The following SNTG1 variants were observed in gnomAD, a reference collection of about 807,000 sequenced individuals.
SNTG1 encodes gamma-1-syntrophin.
SNTG1 carries 39 observed loss-of-function variants against 74.7 expected under a neutral mutation model. That is an observed-to-expected ratio of 0.52 (90% CI 0.40 to 0.68). SNTG1 has a LOEUF of 0.68. SNTG1 is among the 30% of genes least tolerant of loss of function. SNTG1 has a pLI of 0.00. For missense variants in SNTG1, 685 were observed against 609.5 expected (o/e 1.12, Z -1.30); for synonymous variants, 254 against 217.1 (o/e 1.17, Z -1.49).
intron 1 of SNTG1, among the ~76,000 whole-genome samples, chr8:50,037,401 A>G (rs117210948): frequency 0.042 from 6,359 of 152,258 alleles, 209 homozygotes; most frequent in Non-Finnish European, 0.067. Context: ...ATGGCCAATG[A>G]TGCCAGCCTG....
Position 50,096,560 on chromosome 8 carries a change from T to C in SNTG1, c.-102-76001T>C, listed in dbSNP as rs1345287677. 3.3e-5 allele frequency among the ~76,000 whole-genome samples: 5 copies of C among 152,274 alleles called. No individual in the cohort carries two copies. The East Asian group carries it at 9.6e-4, about 29-fold the overall frequency. On this transcript the variant is annotated intron_variant, in intron 1 of 18. Coordinates refer to ENST00000642720, the MANE Select transcript of SNTG1 (RefSeq NM_018967.5). The stretch of plus-strand genomic sequence containing the variant: ...AAAACTGAATTGTGGAGTAATATGT[T>C]TTCAAGTGAAGGGGCAGTTTATATA...
intron 11 of SNTG1, among the ~76,000 whole-genome samples, chr8:50,546,053 G>A (rs2625757): frequency 0.4 from 61,442 of 151,910 alleles, 16,777 homozygotes; most frequent in African/African-American, 0.78. Context: ...AAAAAAGTAG[G>A]TAGGAAGAAA....
At chr8:49,946,053 C>T (rs1809155160) in intron 1 of SNTG1, among the ~76,000 whole-genome samples, 1 of 152,070 alleles carries the variant, frequency 6.6e-6, no homozygotes, top group Admixed American at 6.5e-5. Flanking sequence ...ACTCAAAAGC[C>T]CCTATTTTTT....
chr8:50,609,222 G>A (rs928499280), intron 13 of SNTG1, among the ~76,000 whole-genome samples: 2 of 151,936 alleles, frequency 1.3e-5, no homozygotes, highest in Admixed American at 6.6e-5. Flanking sequence ...TATTTCATGT[G>A]GGGAATATTT....
intron 9 of SNTG1, among the ~76,000 whole-genome samples, chr8:50,527,559 A>T (rs2094231599): frequency 6.6e-6 from 1 of 151,912 alleles, no homozygotes; most frequent in African/African-American, 2.4e-5. Context: ...ACATGTTTGG[A>T]TTTATTTTGA....
chr8:50,028,994 T>G (rs1817518223), intron 1 of SNTG1, among the ~76,000 whole-genome samples: 1 of 152,156 alleles, frequency 6.6e-6, no homozygotes, highest in South Asian at 2.1e-4. Flanking sequence ...ATGTTGAGTT[T>G]TAATAATTCT....
At chr8:50,338,394 G>A (rs916500079) in intron 2 of SNTG1, among the ~76,000 whole-genome samples, 14 of 152,108 alleles carry the variant, frequency 9.2e-5, no homozygotes, top group African/African-American at 3.4e-4. Flanking sequence ...AGAAGGCACG[G>A]TAAAAGGCAC....
intron 17 of SNTG1, among the ~76,000 whole-genome samples, chr8:50,743,118 T>C (rs902405698): frequency 2.0e-5 from 3 of 146,502 alleles, no homozygotes; most frequent in East Asian, 2.0e-4. Flanking sequence ...AAAAAAAAAA[T>C]TGAAGGAGTG....
intron 15 of SNTG1, among the ~76,000 whole-genome samples, chr8:50,667,843 C>T (rs966225150): frequency 1.3e-5 from 2 of 151,870 alleles, no homozygotes; most frequent in African/African-American, 2.4e-5. Context: ...TTTACTGTAA[C>T]ACTTTATAAT....
chr8:50,082,659 T>G (rs938470494), intron 1 of SNTG1, among the ~76,000 whole-genome samples: 1 of 152,148 alleles, frequency 6.6e-6, no homozygotes, highest in Non-Finnish European at 1.5e-5. Flanking sequence ...TGGAGAAAGT[T>G]TTTAAATCTC....
At chr8:50,722,091 C>T (rs886371380) in intron 17 of SNTG1, among the ~76,000 whole-genome samples, 1 of 140,932 alleles carries the variant, frequency 7.1e-6, no homozygotes, top group Non-Finnish European at 1.5e-5. Flanking sequence ...ATGGATTAAT[C>T]ATTACTTATG....
intron 1 of SNTG1, among the ~76,000 whole-genome samples, chr8:50,115,304 T>G (rs1369489234): frequency 4.0e-5 from 6 of 151,790 alleles, no homozygotes; most frequent in Non-Finnish European, 8.8e-5. Flanking sequence ...CCATGGCTCA[T>G]GCCTGTAATC....
At chr8:50,700,644 T>C (rs1485449328) in intron 15 of SNTG1, among the ~76,000 whole-genome samples, 1 of 152,120 alleles carries the variant, frequency 6.6e-6, no homozygotes, top group Non-Finnish European at 1.5e-5. Context: ...CTTTAAGTCC[T>C]TGATGGTACT....
chr8:50,458,641 A>G (rs1396470760), intron 8 of SNTG1, among the ~76,000 whole-genome samples: 1 of 152,080 alleles, frequency 6.6e-6, no homozygotes, highest in African/African-American at 2.4e-5. Flanking sequence ...AAATAAAAGC[A>G]TTTTACATGT....
At chr8:50,380,775 T>C (rs1252933498) in intron 2 of SNTG1, among the ~76,000 whole-genome samples, 1 of 152,226 alleles carries the variant, frequency 6.6e-6, no homozygotes, top group Non-Finnish European at 1.5e-5. Flanking sequence ...AGATGAAGTT[T>C]AATCAACAGC....
chr8:49,973,147 A>G (rs1235254257), intron 1 of SNTG1, among the ~76,000 whole-genome samples: 1 of 152,224 alleles, frequency 6.6e-6, no homozygotes, highest in Non-Finnish European at 1.5e-5. Flanking sequence ...GGATTAAGAA[A>G]ATGTGGCACA....
At chr8:50,597,118 T>C (rs1056789377) in intron 13 of SNTG1, among the ~76,000 whole-genome samples, 11 of 151,792 alleles carry the variant, frequency 7.2e-5, no homozygotes, top group African/African-American at 2.2e-4. Context: ...TCTCTACTTG[T>C]ATGAGATCAA....
chr8:50,271,288 G>T (rs1172135487), intron 2 of SNTG1, among the ~76,000 whole-genome samples: 1 of 152,040 alleles, frequency 6.6e-6, no homozygotes, highest in Non-Finnish European at 1.5e-5. Flanking sequence ...ATTTACTGAA[G>T]AACTACAAAC....
intron 8 of SNTG1, among the ~76,000 whole-genome samples, chr8:50,500,213 C>T (rs945494946): frequency 6.6e-6 from 1 of 150,948 alleles, no homozygotes; most frequent in African/African-American, 2.4e-5. Flanking sequence ...TTGTTACTAT[C>T]CTTCAGGTTA....
Sources: gnomAD v4.1 joint callset for allele counts (sites outside exome capture counted in the v4.1 genomes callset) on GRCh38, gnomAD v4.1.1 for gene constraint, MANE v1.5 for transcripts, NCBI Gene and HGNC (gene_info 2026-07-23, HGNC 2026-07-21) for gene names.